The following NCOR2 variants were observed in gnomAD, a reference collection of about 807,000 sequenced individuals.
NCOR2 encodes nuclear receptor corepressor 2, also known as CTG repeat protein 26.
A neutral mutation model predicts 262.9 loss-of-function variants in NCOR2; 81 were observed. The observed-to-expected ratio is 0.31, with a 90% CI of 0.26 to 0.37. The LOEUF is 0.37. Ranked by LOEUF, NCOR2 falls within the 10% of genes least tolerant of loss-of-function variation. The pLI is 1.00. For synonymous variants in NCOR2, 1,659 were observed against 1,559.3 expected (o/e 1.06, Z -1.51); for missense variants, 3,385 against 3,621.4 (o/e 0.93, Z 1.68).
intron 5 of NCOR2, among the ~76,000 whole-genome samples, chr12:124,465,557 T>C (rs2046376157): frequency 6.6e-6 from 1 of 152,110 alleles, no homozygotes; most frequent in South Asian, 2.1e-4. Context: ...AGACTCTGTG[T>C]TTCAATCATC....
chr12:124,457,188 A>C lies in NCOR2; in HGVS notation c.706-26T>G. On this transcript the variant is annotated intron_variant, in intron 5 of 46. Coordinates refer to ENST00000405201, the Ensembl canonical transcript of NCOR2. The surrounding 1 kb of genome is among the most constrained non-coding windows in gnomAD (Gnocchi z 4.0). ...CTGCAGGGTGATGGCGAAGAGGAGG[A>C]ATTTTTTTAAAAAACAAAAAAACAC... 1 of 1,536,860 alleles carries C rather than the reference A, an allele frequency of 6.5e-7. No individual in the cohort carries two copies. Among genetic ancestry groups the C allele is most frequent in the South Asian group, 1.2e-5 (1 of 80,136 alleles).
chr12:124,377,932 C>T (rs961004387), intron 18 of NCOR2, among the ~76,000 whole-genome samples: 1 of 152,058 alleles, frequency 6.6e-6, no homozygotes, highest in East Asian at 1.9e-4. Context: ...ACCCACAGGG[C>T]TGGCCTGGAC....
chr12:124,393,149 C>T (rs527745292), intron 16 of NCOR2, among the ~76,000 whole-genome samples: 1 of 152,366 alleles, frequency 6.6e-6, no homozygotes, highest in East Asian at 1.9e-4. Flanking sequence ...GCCTCTCGCA[C>T]AGCTGGGTCA....
intron 1 of NCOR2, among the ~76,000 whole-genome samples, chr12:124,516,817 C>G (rs140092932): frequency 5.3e-5 from 8 of 152,144 alleles, no homozygotes; most frequent in Admixed American, 5.2e-4. Context: ...GACCAGGTGC[C>G]GGTATTGTCA....
chr12:124,460,659 C>T (rs2046116614), intron 5 of NCOR2, among the ~76,000 whole-genome samples: 1 of 152,210 alleles, frequency 6.6e-6, no homozygotes, highest in Non-Finnish European at 1.5e-5. Context: ...CTCCCAGTAA[C>T]CTGTTTCTGG....
chr12:124,324,607 C>G (rs999046611), exon 47 of NCOR2: 1 of 152,440 alleles, frequency 6.6e-6, no homozygotes, highest in East Asian at 1.9e-4. Flanking sequence ...CACCGACTGT[C>G]GGCCTGCACA....
exon 14 of NCOR2, chr12:124,402,532 C>CTGCTGCTGCTGCTGCTGCTGCTGTTGT: frequency 6.4e-7 from 1 of 1,568,462 alleles, no homozygotes; most frequent in Non-Finnish European, 8.6e-7. Context: ...GCTGCTGCTG[C>CTGCTGCTGCTGCTGCTGCTGCTGTTGT]TGCTGCTGCT....
chr12:124,490,407 C>CGG lies in NCOR2; in HGVS notation c.106-3840_106-3839insCC, dbSNP rs1565991840. 2.2e-4 allele frequency among the ~76,000 whole-genome samples: 29 copies of CGG among 130,082 alleles called. 1 individual carries two copies. The highest frequency in any genetic ancestry group is 4.1e-4 in the Admixed American group (5 of 12,274). The allele number at this position is 130,082 out of a possible 152,430, so 85.3% of individuals were successfully genotyped here. A position where few individuals can be genotyped will look rare whatever the true frequency, so the allele number is the denominator to read the frequency against. On this transcript the variant is annotated intron_variant, in intron 1 of 46. Coordinates refer to ENST00000405201, the Ensembl canonical transcript of NCOR2. ...CCCGAGACGCCTGATAAGTATTTGC[C>CGG]AGATGGATGGATGGATGGATGGATG...
intron 6 of NCOR2, among the ~76,000 whole-genome samples, chr12:124,451,776 T>A (rs945540373): frequency 6.6e-6 from 1 of 152,052 alleles, no homozygotes; most frequent in African/African-American, 2.4e-5. Flanking sequence ...GACACACAAG[T>A]CTCTTCCCTG....
intron 11 of NCOR2, among the ~76,000 whole-genome samples, chr12:124,423,140 G>A (rs1677495461): frequency 1.3e-5 from 2 of 152,228 alleles, no homozygotes; most frequent in Admixed American, 1.3e-4. Context: ...GTCCCAACTG[G>A]CTTCCTGCGT....
chr12:124,371,916 C>T, intron 20 of NCOR2, 106 bp downstream of exon 22: 1 of 1,189,226 alleles, frequency 8.4e-7, no homozygotes, highest in Non-Finnish European at 1.1e-6. Flanking sequence ...CCTCGGGCTC[C>T]CCCAAAGCAG....
At chr12:124,510,209 G>A (rs112026880) in intron 1 of NCOR2, among the ~76,000 whole-genome samples, 59 of 152,292 alleles carry the variant, frequency 3.9e-4, no homozygotes, top group Non-Finnish European at 7.4e-4. Context: ...CCACCCCACA[G>A]GCACTGATGC....
intron 4 of NCOR2, among the ~76,000 whole-genome samples, chr12:124,466,861 AC>A (rs1170130242): frequency 6.6e-6 from 1 of 152,008 alleles, no homozygotes; most frequent in Non-Finnish European, 1.5e-5. Context: ...TAAAAGAGTT[AC>A]TACTCTAGAG....
At chr12:124,508,475 G>A (rs1593890688) in intron 1 of NCOR2, among the ~76,000 whole-genome samples, 2 of 152,208 alleles carry the variant, frequency 1.3e-5, no homozygotes, top group South Asian at 2.1e-4. Context: ...AAAAGCAAGA[G>A]GAGAGCTGTA....
At chr12:124,498,964 G>A (rs1019345771), upstream of NCOR2, among the ~76,000 whole-genome samples, 1 of 152,234 alleles carries the variant, frequency 6.6e-6, no homozygotes, top group Admixed American at 6.5e-5. Flanking sequence ...GGAGACTGGT[G>A]GCTACCAGGA....
At chr12:124,400,608 C>T (rs2041941559) in exon 15 of NCOR2, 41 of 1,614,054 alleles carry the variant, frequency 2.5e-5, no homozygotes, top group Non-Finnish European at 3.4e-5. Context: ...GGCAGTTTTG[C>T]GGCCTTTGGA....
intron 1 of NCOR2, among the ~76,000 whole-genome samples, chr12:124,522,914 T>C (rs2050264694): frequency 6.6e-6 from 1 of 151,936 alleles, no homozygotes; most frequent in African/African-American, 2.4e-5. Flanking sequence ...GGAACCCAAA[T>C]CCCCTTCCCT....
At chr12:124,327,534 T>G in exon 45 of NCOR2, 3 of 1,613,896 alleles carry the variant, frequency 1.9e-6, no homozygotes, top group South Asian at 1.1e-5. Flanking sequence ...CTCTTCCCAC[T>G]GGTCATATTT....
At chr12:124,365,742 T>A (rs1021919418) in intron 20 of NCOR2, among the ~76,000 whole-genome samples, 7 of 151,044 alleles carry the variant, frequency 4.6e-5, no homozygotes, top group African/African-American at 1.7e-4. Flanking sequence ...CCTCCACCTG[T>A]CCAGACCCTG....
Sources: gnomAD v4.1 joint callset for allele counts (sites outside exome capture counted in the v4.1 genomes callset) on GRCh38, gnomAD v4.1.1 for gene constraint, Gnocchi (gnomAD v3.1) non-coding constraint, MANE v1.5 for transcripts, NCBI Gene and HGNC (gene_info 2026-07-23, HGNC 2026-07-21) for gene names.